ZNF804A: variants seen among roughly 807,000 people sequenced by gnomAD.
The protein encoded by ZNF804A is zinc finger protein 804A.
A neutral mutation model predicts 16.5 loss-of-function variants in ZNF804A; 2 were observed. The observed-to-expected ratio is 0.12, with a 90% CI of 0.05 to 0.38. The LOEUF is 0.38. Among genes scored for constraint, ZNF804A ranks in the 10% least tolerant of loss-of-function variants. The pLI, the probability that ZNF804A is intolerant of heterozygous loss-of-function variation, is 0.99. For synonymous variants in ZNF804A, 534 were observed against 489.6 expected, an observed-to-expected ratio of 1.09 and a Z score of -1.20; for missense variants, 1,473 against 1,390.7, an observed-to-expected ratio of 1.06 and a Z score of -0.94.
intron 1 of ZNF804A, among the ~76,000 whole-genome samples, chr2:184,630,729 G>A (rs1004549009): frequency 6.6e-6 from 1 of 152,010 alleles, no homozygotes; most frequent in African/African-American, 2.4e-5. Context: ...CAAATGCCTG[G>A]AGATTCAAAG....
At chr2:184,891,447 G>T (rs971850423) in intron 2 of ZNF804A, among the ~76,000 whole-genome samples, 2 of 151,844 alleles carry the variant, frequency 1.3e-5, no homozygotes, top group Non-Finnish European at 2.9e-5. Context: ...AAATCATAAT[G>T]GAATGCTTAA....
At position 184,916,331 on chromosome 2, in the gene ZNF804A, A is replaced by C. The variant is rs547128211; in HGVS notation, c.256-17272A>C. Among the ~76,000 whole-genome samples the C allele has an allele frequency of 2.4e-4, 36 of 152,300 alleles. 1 individual carries two copies. The highest frequency in any genetic ancestry group is 4.3e-4 in the Non-Finnish European group (29 of 68,014). ...AACACTTAACAAGGTAATTCTTGTTATTAATCTAAATATATATTTTATTTC... is the reference window on the plus strand; with the variant it reads ...AACACTTAACAAGGTAATTCTTGTTCTTAATCTAAATATATATTTTATTTC... On this transcript the variant is annotated intron_variant, in intron 2 of 3. Transcript: ENST00000302277.
In ZNF804A at chr2:184,706,417, G is replaced by A. The variant is rs150757681; in HGVS notation, c.111+107347G>A. ...TGATAGGCAGAGAAGGCAGTACAGC[G>A]AAAGTGCAGGCTAGGGGCATTGAAG... is the stretch of plus-strand genomic sequence containing the variant. On this transcript the variant is annotated intron_variant, in intron 1 of 3. Transcript: ENST00000302277. 9.8e-5 allele frequency among the ~76,000 whole-genome samples: 15 copies of A among 152,308 alleles called. No individual in the cohort carries two copies. In the East Asian group the frequency reaches 2.7e-3, roughly 27 times the overall value.
intron 2 of ZNF804A, 72 bp from the exon 3 acceptor site, chr2:184,933,531 C>G (rs184024660): frequency 2.2e-5 from 32 of 1,434,114 alleles, no homozygotes; most frequent in Middle Eastern, 3.8e-4. Flanking sequence ...AAAATTTCAA[C>G]AATAACAATG....
chr2:184,763,736 G>C (rs1011286855), intron 1 of ZNF804A, among the ~76,000 whole-genome samples: 5 of 142,784 alleles, frequency 3.5e-5, no homozygotes, highest in Non-Finnish European at 6.0e-5. Context: ...TCCACCTCCC[G>C]GGTTCATGCC....
chr2:184,919,655 A>G (rs1239338541), intron 2 of ZNF804A, among the ~76,000 whole-genome samples: 2 of 152,132 alleles, frequency 1.3e-5, no homozygotes, highest in Non-Finnish European at 2.9e-5. Flanking sequence ...GTTTCTTGCA[A>G]GTTTCTAACC....
In ZNF804A at chr2:184,844,454, G is replaced by A. The variant is rs116534420; in HGVS notation, c.112-21915G>A. ...TGCTTGTCTGAGAAAGTCTATTTCT[G>A]TTTCACTTTTGAGAAATAATTTCAC... On this transcript the variant is annotated intron_variant, in intron 1 of 3. Transcript: ENST00000302277. Among the ~76,000 whole-genome samples, 1,384 of 152,036 alleles carry A rather than the reference G, an allele frequency of 9.1e-3. 22 individuals are homozygous for A. The highest frequency in any genetic ancestry group is 0.032 in the African/African-American group (1,324 of 41,508).
intron 1 of ZNF804A, among the ~76,000 whole-genome samples, chr2:184,794,204 C>A (rs544335031): frequency 1.3e-5 from 2 of 152,198 alleles, no homozygotes; most frequent in South Asian, 4.2e-4. Flanking sequence ...TAGAAGTATT[C>A]CCTTTTCACT....
intron 2 of ZNF804A, among the ~76,000 whole-genome samples, chr2:184,926,674 G>T (rs1685617756): frequency 6.6e-6 from 1 of 152,066 alleles, no homozygotes; most frequent in South Asian, 2.1e-4. Flanking sequence ...TCCGGATCCT[G>T]TAGGTGTGAT....
At chr2:184,664,774 G>A (rs549051763) in intron 1 of ZNF804A, among the ~76,000 whole-genome samples, 5 of 152,258 alleles carry the variant, frequency 3.3e-5, no homozygotes, top group Non-Finnish European at 5.9e-5. Flanking sequence ...TGTTATGGCA[G>A]TGGCTGTTTT....
At chr2:184,610,011 A>G (rs1278977163) in intron 1 of ZNF804A, among the ~76,000 whole-genome samples, 1 of 152,230 alleles carries the variant, frequency 6.6e-6, no homozygotes, top group African/African-American at 2.4e-5. Context: ...ATTGGGTCAT[A>G]AGGGCTCTGC....
intron 2 of ZNF804A, among the ~76,000 whole-genome samples, chr2:184,869,570 A>C (rs1023654342): frequency 1.3e-5 from 2 of 152,056 alleles, no homozygotes; most frequent in Admixed American, 6.6e-5. Context: ...TGCAGAGTAC[A>C]TGGAAAATAG....
intron 1 of ZNF804A, among the ~76,000 whole-genome samples, chr2:184,792,799 C>A (rs938334049): frequency 2.5e-4 from 38 of 151,686 alleles, no homozygotes; most frequent in African/African-American, 9.2e-4. Context: ...ATTTTAGATA[C>A]AGGAGGTCCA....
chr2:184,715,790 T>C (rs987701087), intron 1 of ZNF804A, among the ~76,000 whole-genome samples: 20 of 152,290 alleles, frequency 1.3e-4, no homozygotes, highest in Non-Finnish European at 1.2e-4. Flanking sequence ...TTTGGTAAAT[T>C]ATTAATTTCT....
rs1685506906 is a variant in ZNF804A at position 184,920,068 on chromosome 2, T to C, written c.256-13535T>C. On this transcript the variant is annotated intron_variant, in intron 2 of 3. Coordinates refer to ENST00000302277, the MANE Select transcript of ZNF804A (RefSeq NM_194250.2). ...AGGAGGAGGTTGCGGTGAGCCTAGA[T>C]TGCACCACTGCACTCCAGCCTGGGA... 2.6e-5 allele frequency among the ~76,000 whole-genome samples: 4 copies of C among 152,086 alleles called. No homozygotes were observed. The South Asian group carries it at 8.3e-4, about 32-fold the overall frequency.
intron 1 of ZNF804A, among the ~76,000 whole-genome samples, chr2:184,684,132 G>A (rs954637441): frequency 1.9e-4 from 29 of 152,196 alleles, no homozygotes; most frequent in African/African-American, 6.3e-4. Context: ...CTGAAGCTAT[G>A]ACTTTACAAC....
At chr2:184,904,538 T>C (rs538061345) in intron 2 of ZNF804A, among the ~76,000 whole-genome samples, 8 of 152,108 alleles carry the variant, frequency 5.3e-5, no homozygotes, top group Non-Finnish European at 8.8e-5. Flanking sequence ...CATGACAAAG[T>C]ATTCTGGGTG....
rs191336761 is a variant in ZNF804A at position 184,923,294 on chromosome 2, T to A, written c.256-10309T>A. Reference sequence around the variant, plus strand: ...CTTTGGTTAAGTCTGAGGTATTTTATTTTATTTGGAGCTATTGCAAATGAA... The same window carrying A: ...CTTTGGTTAAGTCTGAGGTATTTTAATTTATTTGGAGCTATTGCAAATGAA... On this transcript the variant is annotated intron_variant, in intron 2 of 3. Coordinates refer to ENST00000302277, the MANE Select transcript of ZNF804A (RefSeq NM_194250.2). 4.9e-3 allele frequency among the ~76,000 whole-genome samples: 740 copies of A among 152,128 alleles called. 4 individuals are homozygous for A. The highest frequency in any genetic ancestry group is 6.5e-3 in the Non-Finnish European group (442 of 67,896).
At chr2:184,892,334 C>T (rs1186862247) in intron 2 of ZNF804A, among the ~76,000 whole-genome samples, 1 of 152,006 alleles carries the variant, frequency 6.6e-6, no homozygotes, top group African/African-American at 2.4e-5. Context: ...TGTCAGCAGT[C>T]AGAGTTAGAG....
Sources: allele counts gnomAD v4.1 joint callset (sites outside exome capture counted in the v4.1 genomes callset), GRCh38; gene constraint gnomAD v4.1.1; transcripts MANE v1.5; gene names NCBI Gene and HGNC (gene_info 2026-07-23, HGNC 2026-07-21).